The following KIAA1549L variants were observed in gnomAD, a reference collection of about 807,000 sequenced individuals.
The protein encoded by KIAA1549L is UPF0606 protein KIAA1549L.
KIAA1549L carries 88 observed loss-of-function variants against 160.7 expected under a neutral mutation model. The ratio of observed to expected loss-of-function variants is 0.55; its 90% CI spans 0.46 to 0.65. The LOEUF (loss-of-function observed/expected upper bound fraction) is 0.65. Ranked by LOEUF, KIAA1549L falls within the 30% of genes least tolerant of loss-of-function variation. The pLI, the probability that KIAA1549L is intolerant of heterozygous loss-of-function variation, is 0.00. For synonymous variants in KIAA1549L, 950 were observed against 976.7 expected (o/e 0.97, Z 0.51); for missense variants, 2,258 against 2,437.5 (o/e 0.93, Z 1.55).
chr11:33,591,351 C>T lies in KIAA1549L; in HGVS notation c.4681C>T (p.Pro1561Ser). 1 of 1,613,708 alleles carries T rather than the reference C, an allele frequency of 6.2e-7. No homozygotes were observed. The highest frequency in any genetic ancestry group is 2.2e-5 in the East Asian group (1 of 44,862). Residue 1561 changes from proline to serine, a missense_variant, in exon 12 of 21, where the codon CCT becomes TCT. Coordinates refer to ENST00000658780, the MANE Select transcript of KIAA1549L (RefSeq NM_012194.3). Reference protein sequence around the residue: ...VVLPLPIRDAPQERDVAQDGS... With the variant: ...VVLPLPIRDASQERDVAQDGS... Reference sequence around the variant, plus strand: ...TCTCCCACTGCCCATTAGAGATGCTCCTCAGGAAAGAGACGTCGCTCAGGA... The same window carrying T: ...TCTCCCACTGCCCATTAGAGATGCTTCTCAGGAAAGAGACGTCGCTCAGGA...
In KIAA1549L at chr11:33,650,985, G is replaced by A. The variant is rs536415364; in HGVS notation, c.5760+4949G>A. On this transcript the variant is annotated intron_variant, in intron 17 of 20. Coordinates refer to ENST00000658780, the MANE Select transcript of KIAA1549L (RefSeq NM_012194.3). ...TCCTCTCCTCCACTTCTTCCCCCAG[G>A]GTGAGACAGGACAGAAGGCCCCTTT... Among the ~76,000 whole-genome samples the A allele has an allele frequency of 9.9e-5, 15 of 152,188 alleles. No homozygotes were observed. The South Asian group carries it at 3.1e-3, about 32-fold the overall frequency.
chr11:33,593,236 C>T (rs570442786), intron 12 of KIAA1549L, among the ~76,000 whole-genome samples: 13 of 152,176 alleles, frequency 8.5e-5, no homozygotes, highest in South Asian at 6.2e-4. Context: ...TTGAGACCAA[C>T]GTGGGCAACC....
At chr11:33,595,493 T>C (rs1453165204) in intron 12 of KIAA1549L, among the ~76,000 whole-genome samples, 1 of 152,090 alleles carries the variant, frequency 6.6e-6, no homozygotes, top group Non-Finnish European at 1.5e-5. Context: ...CCTCCCAAAG[T>C]GCTGGCATTA....
intron 20 of KIAA1549L, among the ~76,000 whole-genome samples, chr11:33,662,696 C>T (rs1852307272): frequency 6.6e-6 from 1 of 152,188 alleles, no homozygotes; most frequent in South Asian, 2.1e-4. Context: ...TGGAGTGTAA[C>T]CCTGGGCACC....
At chr11:33,651,890 TC>T (rs1329887467) in intron 17 of KIAA1549L, among the ~76,000 whole-genome samples, 1,215 of 20,860 alleles carry the variant, frequency 0.058, 36 homozygotes, top group African/African-American at 0.073. Flanking sequence ...TCTCCTCCCC[TC>T]CCCCCCTTCC....
chr11:33,523,187 C>T (rs1295303504), intron 1 of KIAA1549L, among the ~76,000 whole-genome samples: 2 of 152,194 alleles, frequency 1.3e-5, no homozygotes, highest in African/African-American at 4.8e-5. Context: ...GGAATTCCCT[C>T]AAAGTGTTCT....
chr11:33,531,897 G>A (rs567946034), intron 1 of KIAA1549L, among the ~76,000 whole-genome samples: 1 of 152,308 alleles, frequency 6.6e-6, no homozygotes, highest in African/African-American at 2.4e-5. Flanking sequence ...GCCGTGCTCA[G>A]TAATGTTTGC....
intron 1 of KIAA1549L, among the ~76,000 whole-genome samples, chr11:33,394,753 GT>G (rs1350284458): frequency 2.5e-4 from 38 of 152,378 alleles, no homozygotes; most frequent in African/African-American, 9.1e-4. Context: ...CAAAATGAGT[GT>G]TCCTGATGGG....
At chr11:33,615,190 C>T (rs1166053001) in intron 15 of KIAA1549L, among the ~76,000 whole-genome samples, 5 of 152,064 alleles carry the variant, frequency 3.3e-5, no homozygotes, top group East Asian at 1.9e-4. Context: ...GGGAACCCCA[C>T]GTAAGGTAAT....
At chr11:33,650,798 G>A (rs932598704) in intron 17 of KIAA1549L, among the ~76,000 whole-genome samples, 6 of 152,156 alleles carry the variant, frequency 3.9e-5, no homozygotes, top group Admixed American at 3.9e-4. Context: ...ACACAGGACT[G>A]TTAAAGGCAC....
Position 33,638,437 on chromosome 11 carries a change from T to TA in KIAA1549L, c.5410-7246dup, listed in dbSNP as rs1448265276. On this transcript the variant is annotated intron_variant, in intron 16 of 20. Coordinates refer to ENST00000658780, the MANE Select transcript of KIAA1549L (RefSeq NM_012194.3). Reference sequence around the variant, plus strand: ...CTAAAATAAATAAAAAAAAAAAAAATAAATAAATAAATAAATAAATAAAAT... The same window carrying TA: ...CTAAAATAAATAAAAAAAAAAAAAATAAAATAAATAAATAAATAAATAAAAT... Among the ~76,000 whole-genome samples, 34 of 30,034 alleles carry TA rather than the reference T, an allele frequency of 1.1e-3. No individual in the cohort carries two copies. The East Asian group carries it at 0.012, about 10-fold the overall frequency. 19.7% of individuals were successfully genotyped at this position (30,034 alleles called of 152,430 possible). A position where few individuals can be genotyped will look rare whatever the true frequency, so the allele number is the denominator to read the frequency against.
intron 1 of KIAA1549L, among the ~76,000 whole-genome samples, chr11:33,429,031 G>A (rs1422692444): frequency 6.6e-6 from 1 of 152,196 alleles, no homozygotes; most frequent in Non-Finnish European, 1.5e-5. Context: ...GAGTGCAATG[G>A]TGCAATCTCG....
At chr11:33,661,497 T>C (rs9804647) in intron 20 of KIAA1549L, among the ~76,000 whole-genome samples, 59,122 of 152,030 alleles carry the variant, frequency 0.39, 11,784 homozygotes, top group East Asian at 0.52. Context: ...CCACACCTGT[T>C]TGGCTCCAAA....
chr11:33,404,473 G>A (rs538447008), intron 1 of KIAA1549L, among the ~76,000 whole-genome samples: 1 of 152,234 alleles, frequency 6.6e-6, no homozygotes, highest in East Asian at 1.9e-4. Flanking sequence ...GTTGCAGTGA[G>A]CCAAGATCAC....
At chr11:33,584,445 C>A (rs932477332) in intron 11 of KIAA1549L, among the ~76,000 whole-genome samples, 2 of 152,184 alleles carry the variant, frequency 1.3e-5, no homozygotes, top group African/African-American at 4.8e-5. Context: ...ACTGCGGCCT[C>A]CACATCTCTG....
chr11:33,391,197 G>A (rs1221529411), intron 1 of KIAA1549L, among the ~76,000 whole-genome samples: 6 of 152,184 alleles, frequency 3.9e-5, no homozygotes, highest in Non-Finnish European at 7.3e-5. Flanking sequence ...TGATTATGGT[G>A]TCTCACTTGT....
intron 1 of KIAA1549L, among the ~76,000 whole-genome samples, chr11:33,408,493 A>G (rs200262359): frequency 1.8e-4 from 24 of 130,372 alleles, no homozygotes; most frequent in African/African-American, 7.0e-4. Context: ...ATATGTGTAT[A>G]TATATATATA....
chr11:33,385,919 T>C (rs1193034951), intron 1 of KIAA1549L, among the ~76,000 whole-genome samples: 2 of 152,338 alleles, frequency 1.3e-5, no homozygotes, highest in South Asian at 2.1e-4. Context: ...TATGGAAATA[T>C]AATTTTAAAA....
intron 8 of KIAA1549L, among the ~76,000 whole-genome samples, chr11:33,563,203 G>C (rs1457656187): frequency 6.6e-6 from 1 of 151,834 alleles, no homozygotes; most frequent in Non-Finnish European, 1.5e-5. Context: ...AAAAAAATTA[G>C]CCTGGCCTGG....
Sources: gnomAD v4.1 joint callset for allele counts (sites outside exome capture counted in the v4.1 genomes callset) on GRCh38, gnomAD v4.1.1 for gene constraint, MANE v1.5 for transcripts, NCBI Gene and HGNC (gene_info 2026-07-23, HGNC 2026-07-21) for gene names.